PODNL1: variants seen among roughly 807,000 people sequenced by gnomAD.
PODNL1 encodes the protein podocan like 1.
A neutral mutation model predicts 45.1 loss-of-function variants in PODNL1; 50 were observed. The observed-to-expected ratio is 1.11, with a 90% CI of 0.88 to 1.40. PODNL1 has a LOEUF of 1.40. PODNL1 is among the 40% of genes most tolerant of loss of function. PODNL1 has a pLI of 0.00. For synonymous variants in PODNL1, 406 were observed against 372.5 expected, an observed-to-expected ratio of 1.09 and a Z score of -1.04; for missense variants, 788 against 793.3, an observed-to-expected ratio of 0.99 and a Z score of 0.08.
chr19:13,950,997 T>G (rs1342762798), intron 1 of PODNL1, among the ~76,000 whole-genome samples: 1 of 142,982 alleles, frequency 7.0e-6, no homozygotes, highest in Non-Finnish European at 1.5e-5. Context: ...TGCAGTGAGT[T>G]GAGATTGTGC....
upstream of PODNL1, among the ~76,000 whole-genome samples, chr19:13,938,793 A>C (rs1599441349): frequency 6.6e-6 from 1 of 151,762 alleles, no homozygotes; most frequent in Non-Finnish European, 1.5e-5. Flanking sequence ...CCTGGAAGGA[A>C]ATTACATATA....
At chr19:13,939,221 T>C (rs1972564562), upstream of PODNL1, among the ~76,000 whole-genome samples, 1 of 152,138 alleles carries the variant, frequency 6.6e-6, no homozygotes, top group Admixed American at 6.6e-5. Flanking sequence ...TTTTGTTTTT[T>C]GAGACAGAGT....
chr19:13,945,016 T>A (rs762228659), intron 1 of PODNL1, among the ~76,000 whole-genome samples: 6 of 152,108 alleles, frequency 3.9e-5, no homozygotes, highest in African/African-American at 7.2e-5. Flanking sequence ...TCTCAGGTGA[T>A]CCACCCACCT....
intron 2 of PODNL1, among the ~76,000 whole-genome samples, chr19:13,937,334 C>T (rs1423819547): frequency 1.1e-5 from 1 of 94,328 alleles, no homozygotes. Context: ...CCATCACCCC[C>T]GCAATCGACC....
rs1033581393 is a variant in PODNL1, at chr19:13,935,796, A to G, written c.419T>C (p.Leu140Pro). Residue 140 changes from leucine to proline, a missense_variant, in exon 5 of 10, where the codon CTC becomes CCC. Physicochemically the swap from Leu to Pro is moderately conservative, Grantham distance 98. Transcript: ENST00000588872. The part of the protein sequence containing the change: ...SVAPQFLPRS[L>P]RVADLAANQV... ...GTTGGCAGCCAGATCCGCGACACGGAGGGACCGGGGCAGAAACTGAGGGGC... is the reference window on the plus strand; with the variant it reads ...GTTGGCAGCCAGATCCGCGACACGGGGGGACCGGGGCAGAAACTGAGGGGC... 38 of 1,599,548 alleles carry G rather than the reference A, an allele frequency of 2.4e-5. No homozygotes were observed. The highest frequency in any genetic ancestry group is 3.1e-5 in the Non-Finnish European group (37 of 1,175,768).
At chr19:13,935,054 G>A (rs188442182) in intron 5 of PODNL1, among the ~76,000 whole-genome samples, 2,688 of 151,932 alleles carry the variant, frequency 0.018, 89 homozygotes, top group African/African-American at 0.062. Context: ...ATGTGAGTCT[G>A]TGTGTGTGCT....
At chr19:13,952,694 G>A in intron 1 of PODNL1, 1 of 1,186,842 alleles carries the variant, frequency 8.4e-7, no homozygotes, top group East Asian at 4.7e-5. Context: ...GGGGAGTAGG[G>A]ACGAGGGAGG....
Position 13,931,817 on chromosome 19 carries a change from CCACCA to C in PODNL1, c.1640_1644del (p.Val547GlyfsTer154). 3 of 1,231,896 alleles carry C rather than the reference CCACCA, an allele frequency of 2.4e-6. No homozygotes were observed. Among genetic ancestry groups the C allele is most frequent in the Non-Finnish European group, 3.0e-6 (3 of 987,910 alleles). The allele number at this position is 1,231,896 out of a possible 1,614,324, so 76.3% of individuals were successfully genotyped here. On this transcript the variant is annotated frameshift_variant, in exon 10 of 10. Coordinates refer to ENST00000588872, the MANE Select transcript of PODNL1 (RefSeq NM_001370095.3). LOFTEE classifies it low-confidence loss of function (END_TRUNC). ...ACCTGCTCCGGATTCCCTGCCGTGT[CCACCA>C]CACGCAGGTTTGGGAGCCCCAGGAA...
intron 6 of PODNL1, 46 bp downstream of exon 6, chr19:13,934,206 AAG>A (rs1972161700): frequency 6.8e-7 from 1 of 1,479,732 alleles, no homozygotes; most frequent in Admixed American, 2.6e-5. Flanking sequence ...TCCCCCTGGA[AAG>A]AGGTGAAGAG....
At chr19:13,938,449 T>C (rs1972529489), upstream of PODNL1, 1 of 1,275,108 alleles carries the variant, frequency 7.8e-7, no homozygotes, top group Non-Finnish European at 9.9e-7. Context: ...AACCACCCCA[T>C]CTCTGCTTTC....
At position 13,934,005 on chromosome 19, in the gene PODNL1, A is replaced by G. The variant is rs139159656; in HGVS notation, c.652-12T>C. On this transcript the variant is annotated splice_polypyrimidine_tract_variant and intron_variant, in intron 6 of 9. Coordinates refer to ENST00000588872, the MANE Select transcript of PODNL1 (RefSeq NM_001370095.3). ...GAGATGAGATTGTTCTGGAGAAGGA[A>G]GAAGAGAATGAGACTTGAGTCTGGG... 2.5e-3 allele frequency: 4,026 copies of G among 1,588,514 alleles called. 18 individuals are homozygous for G. Among genetic ancestry groups the G allele is most frequent in the Admixed American group, 0.016 (913 of 56,068 alleles).
At chr19:13,940,395 C>T (rs1042975424), upstream of PODNL1, among the ~76,000 whole-genome samples, 3 of 148,160 alleles carry the variant, frequency 2.0e-5, no homozygotes, top group Admixed American at 6.8e-5. Context: ...CACTGTGAAA[C>T]CCCATCTCTA....
At chr19:13,952,170 A>G (rs1269820591) in intron 1 of PODNL1, among the ~76,000 whole-genome samples, 3 of 152,172 alleles carry the variant, frequency 2.0e-5, no homozygotes, top group Non-Finnish European at 4.4e-5. Context: ...AAGGGCCTGG[A>G]CCGCCTGTGG....
Position 13,935,803 on chromosome 19 carries a change from G to C in PODNL1, c.412C>G (p.Arg138Gly). ...KLSVAPQFLP[R>G]SLRVADLAAN... The stretch of plus-strand genomic sequence containing the variant: ...GCCAGATCCGCGACACGGAGGGACC[G>C]GGGCAGAAACTGAGGGGCCACTGAG... The change falls in exon 5 of 10, where the codon CGG becomes GGG. Residue 138 changes from arginine (R) to glycine (G), a missense_variant. Arg to Gly is a moderately radical substitution (Grantham distance 125). This residue lies in a region of PODNL1 where 762 missense variants were observed against 750.9 expected (regional missense o/e 1.01). Transcript: ENST00000588872. 6.2e-7 allele frequency: 1 copy of C among 1,602,952 alleles called. No homozygotes were observed.
upstream of PODNL1, among the ~76,000 whole-genome samples, chr19:13,940,590 A>AC (rs1568440551): frequency 6.8e-6 from 1 of 147,494 alleles, no homozygotes; most frequent in East Asian, 2.0e-4. Flanking sequence ...AAAAAAAAAA[A>AC]ACTTAGCGGG....
chr19:13,947,639 G>A lies in PODNL1; in HGVS notation c.18+5480C>T, dbSNP rs144251226. On this transcript the variant is annotated intron_variant, in intron 1 of 7. Coordinates refer to the PODNL1 transcript ENST00000538371. Reference sequence around the variant, plus strand: ...GTGATGTGATATAGAAGGAAAAACAGTCTGTTTGTCCCATGTACGTATTCA... The same window carrying A: ...GTGATGTGATATAGAAGGAAAAACAATCTGTTTGTCCCATGTACGTATTCA... Among the ~76,000 whole-genome samples, 188 of 152,218 alleles carry A rather than the reference G, an allele frequency of 1.2e-3. 1 individual carries two copies. The highest frequency in any genetic ancestry group is 4.4e-3 in the African/African-American group (181 of 41,538).
At chr19:13,952,542 C>G in intron 1 of PODNL1, 1 of 1,260,096 alleles carries the variant, frequency 7.9e-7, no homozygotes, top group Non-Finnish European at 1.0e-6. Context: ...CGGAGCGGAA[C>G]AGCGGGGCTG....
At chr19:13,941,944 G>A (rs1972668366), upstream of PODNL1, among the ~76,000 whole-genome samples, 1 of 152,156 alleles carries the variant, frequency 6.6e-6, no homozygotes, top group Admixed American at 6.6e-5. Flanking sequence ...TAGGCCAGAA[G>A]AGAACAACAG....
At chr19:13,937,420 C>T (rs1972447974) in intron 2 of PODNL1, among the ~76,000 whole-genome samples, 1 of 139,806 alleles carries the variant, frequency 7.2e-6, no homozygotes, top group Non-Finnish European at 1.5e-5. Context: ...GCGCCATCAC[C>T]CCCACAATCG....
Sources: gnomAD v4.1 joint callset for allele counts (sites outside exome capture counted in the v4.1 genomes callset) on GRCh38, gnomAD v4.1.1 for gene constraint, gnomAD v4.1.1 regional missense constraint, MANE v1.5 for transcripts, NCBI Gene and HGNC (gene_info 2026-07-23, HGNC 2026-07-21) for gene names.